Variants in NTM observed in about 807,000 individuals in gnomAD.
NTM encodes the protein neurotrimin.
NTM carries 13 observed loss-of-function variants against 42.1 expected under a neutral mutation model. That is an observed-to-expected ratio of 0.31 (90% CI 0.20 to 0.49). The LOEUF (loss-of-function observed/expected upper bound fraction) is 0.49. NTM is among the 20% of genes least tolerant of loss of function. The pLI, the probability that NTM is intolerant of heterozygous loss-of-function variation, is 0.99. For synonymous variants in NTM, 187 were observed against 179.2 expected (o/e 1.04, Z -0.35); for missense variants, 373 against 452.8 (o/e 0.82, Z 1.60).
At chr11:131,511,511 C>T (rs2048244507) in intron 1 of NTM, among the ~76,000 whole-genome samples, 1 of 152,184 alleles carries the variant, frequency 6.6e-6, no homozygotes. Context: ...AATGCTAGTG[C>T]CTCCAAACTT....
chr11:132,065,018 C>T (rs1392386285), intron 2 of NTM, among the ~76,000 whole-genome samples: 2 of 152,186 alleles, frequency 1.3e-5, no homozygotes, highest in Non-Finnish European at 2.9e-5. Context: ...TTTGCCTCTG[C>T]TCTCACAGGA....
At chr11:131,808,881 G>T (rs1222753825) in intron 1 of NTM, among the ~76,000 whole-genome samples, 1 of 152,146 alleles carries the variant, frequency 6.6e-6, no homozygotes, top group Non-Finnish European at 1.5e-5. Flanking sequence ...AGCTTATTGG[G>T]GTCAGAAAGA....
At chr11:131,428,837 C>A (rs978323371) in intron 1 of NTM, among the ~76,000 whole-genome samples, 13 of 144,424 alleles carry the variant, frequency 9.0e-5, no homozygotes, top group Non-Finnish European at 1.8e-4. Flanking sequence ...AAGTTCAAGA[C>A]CAGCAAGGCC....
chr11:131,416,955 T>C (rs948020510), intron 1 of NTM, among the ~76,000 whole-genome samples: 3 of 152,216 alleles, frequency 2.0e-5, no homozygotes, highest in Non-Finnish European at 4.4e-5. Context: ...CAATTCAATT[T>C]CAATATTAGC....
At chr11:132,179,436 G>A (rs553151782) in intron 3 of NTM, among the ~76,000 whole-genome samples, 1 of 152,102 alleles carries the variant, frequency 6.6e-6, no homozygotes, top group African/African-American at 2.4e-5. Context: ...TGTGTGGAGA[G>A]AGAGACAGAG....
intron 2 of NTM, among the ~76,000 whole-genome samples, chr11:132,084,442 A>G (rs943722104): frequency 9.2e-5 from 14 of 152,158 alleles, no homozygotes; most frequent in African/African-American, 2.4e-4. Context: ...TGTTAATTCT[A>G]TGTACCTAAA....
rs1161966025 is a variant in NTM at position 132,336,385 on chromosome 11, G to C, written c.*1239G>C. On this transcript the variant is annotated 3_prime_UTR_variant, in exon 9 of 9. Transcript: ENST00000683400. ...TCAGAGACATTTATAAAAAGTGAAA[G>C]GATAAAAAAAAAAAAAAACAACTAA... The C allele has an allele frequency of 1.3e-5, 2 of 149,598 alleles. No individual in the cohort carries two copies. The highest frequency in any genetic ancestry group is 3.0e-5 in the Non-Finnish European group (2 of 67,380). The allele number at this position is 149,598 out of a possible 1,614,324, so 9.3% of individuals were successfully genotyped here. A position where few individuals can be genotyped will look rare whatever the true frequency, so the allele number is the denominator to read the frequency against.
At chr11:131,885,983 A>G (rs1421996266) in intron 1 of NTM, among the ~76,000 whole-genome samples, 1 of 152,132 alleles carries the variant, frequency 6.6e-6, no homozygotes, top group Non-Finnish European at 1.5e-5. Context: ...AAGAAAGTGG[A>G]TTAATACCTG....
rs1177682 is a variant in NTM at position 132,324,578 on chromosome 11, G to A, written c.935-5575G>A. 7.6e-4 allele frequency among the ~76,000 whole-genome samples: 113 copies of A among 149,538 alleles called. 2 individuals are homozygous for A. The East Asian group carries it at 0.011, about 14-fold the overall frequency. ...CTCGTGGGTAGGAAGAATCAATATC[G>A]TGAAAATGGCCATACTGCCCAAGGT... is the stretch of plus-strand genomic sequence containing the variant. On this transcript the variant is annotated intron_variant, in intron 7 of 8. Coordinates refer to ENST00000683400, the MANE Select transcript of NTM (RefSeq NM_001352005.2).
At chr11:132,304,389 C>T (rs896255465) in intron 4 of NTM, among the ~76,000 whole-genome samples, 1 of 150,804 alleles carries the variant, frequency 6.6e-6, no homozygotes, top group African/African-American at 2.4e-5. Flanking sequence ...GAATATCCTT[C>T]AGCACTTTAA....
At chr11:131,646,338 T>C (rs1262864852) in intron 1 of NTM, among the ~76,000 whole-genome samples, 1 of 152,204 alleles carries the variant, frequency 6.6e-6, no homozygotes, top group African/African-American at 2.4e-5. Context: ...ATTTCTATTT[T>C]TGATGCGTAT....
intron 1 of NTM, among the ~76,000 whole-genome samples, chr11:131,383,858 A>G (rs921322400): frequency 3.3e-5 from 5 of 152,166 alleles, no homozygotes; most frequent in African/African-American, 1.2e-4. Flanking sequence ...GGGCAAGACT[A>G]GAGGAAAGGG....
intron 2 of NTM, among the ~76,000 whole-genome samples, chr11:131,920,184 G>T (rs1385742245): frequency 6.6e-6 from 1 of 152,134 alleles, no homozygotes; most frequent in Non-Finnish European, 1.5e-5. Context: ...TTGGAGAAAT[G>T]ATTTTTCCAT....
chr11:132,089,870 A>G (rs914420755), intron 2 of NTM, among the ~76,000 whole-genome samples: 1 of 152,346 alleles, frequency 6.6e-6, no homozygotes, highest in South Asian at 2.1e-4. Flanking sequence ...CAGAAGTTTT[A>G]TAACCAGTTA....
intron 1 of NTM, among the ~76,000 whole-genome samples, chr11:131,733,019 A>G (rs2079897092): frequency 6.6e-6 from 1 of 152,204 alleles, no homozygotes; most frequent in Admixed American, 6.5e-5. Flanking sequence ...TGGATGTGCC[A>G]TAATTTTTTT....
chr11:131,608,148 G>T (rs10894422), intron 1 of NTM, among the ~76,000 whole-genome samples: 72,223 of 151,932 alleles, frequency 0.48, 17,830 homozygotes, highest in East Asian at 0.61. Context: ...CATGCAGTGT[G>T]TGGTTTTTTA....
intron 2 of NTM, among the ~76,000 whole-genome samples, chr11:131,984,945 T>A (rs1011769315): frequency 5.3e-5 from 8 of 152,220 alleles, no homozygotes; most frequent in African/African-American, 1.9e-4. Flanking sequence ...GTGAGGCCTT[T>A]CGTCAAATCG....
intron 1 of NTM, among the ~76,000 whole-genome samples, chr11:131,481,317 G>T (rs1270343427): frequency 6.6e-6 from 1 of 152,348 alleles, no homozygotes; most frequent in East Asian, 1.9e-4. Context: ...CGGTGAAAGT[G>T]TGTGGCTCCC....
chr11:131,527,243 C>G (rs986400102), intron 1 of NTM, among the ~76,000 whole-genome samples: 1 of 152,112 alleles, frequency 6.6e-6, no homozygotes, highest in African/African-American at 2.4e-5. Context: ...TATTCTGAAC[C>G]CAACCTGTTT....
Sources: gnomAD v4.1 joint callset for allele counts (sites outside exome capture counted in the v4.1 genomes callset) on GRCh38, gnomAD v4.1.1 for gene constraint, MANE v1.5 for transcripts, NCBI Gene and HGNC (gene_info 2026-07-23, HGNC 2026-07-21) for gene names.